Variants in NAALADL2 observed in about 807,000 individuals in gnomAD.
NAALADL2 encodes inactive N-acetylated-alpha-linked acidic dipeptidase-like protein 2.
NAALADL2 carries 76 observed loss-of-function variants against 87.2 expected under a neutral mutation model. The observed-to-expected ratio is 0.87, with a 90% CI of 0.72 to 1.05. The LOEUF (loss-of-function observed/expected upper bound fraction) is 1.05. NAALADL2 is among the 50% of genes least tolerant of loss of function. The pLI is 0.00. For synonymous variants in NAALADL2, 354 were observed against 331.0 expected (o/e 1.07, Z -0.75); for missense variants, 1,089 against 945.8 (o/e 1.15, Z -1.99).
At chr3:174,863,359 T>C (rs184115579) in intron 1 of NAALADL2, among the ~76,000 whole-genome samples, 60 of 152,200 alleles carry the variant, frequency 3.9e-4, no homozygotes, top group African/African-American at 1.4e-3. Flanking sequence ...CTTGAAAGCA[T>C]TGTCGAGTAT....
intron 1 of NAALADL2, among the ~76,000 whole-genome samples, chr3:174,882,640 T>C (rs111215415): frequency 2.7e-5 from 4 of 147,554 alleles, no homozygotes; most frequent in South Asian, 2.1e-4. Flanking sequence ...CATATACACA[T>C]ATGTGCATAT....
At chr3:175,362,683 T>C (rs1765167720) in intron 5 of NAALADL2, among the ~76,000 whole-genome samples, 1 of 148,460 alleles carries the variant, frequency 6.7e-6, no homozygotes, top group Non-Finnish European at 1.5e-5. Flanking sequence ...CTTCTTTTCC[T>C]ATGGGTAGAT....
intron 11 of NAALADL2, among the ~76,000 whole-genome samples, chr3:175,734,543 C>T (rs540310959): frequency 2.6e-5 from 4 of 151,850 alleles, no homozygotes; most frequent in Admixed American, 6.6e-5. Context: ...GGCAACAGAG[C>T]GAGACTCCGT....
chr3:174,618,624 G>A (rs950206549), intron 2 of NAALADL2, among the ~76,000 whole-genome samples: 1 of 151,792 alleles, frequency 6.6e-6, no homozygotes, highest in Non-Finnish European at 1.5e-5. Context: ...ACAGGCTGAG[G>A]AAGAGTGAAA....
intron 5 of NAALADL2, among the ~76,000 whole-genome samples, chr3:175,409,687 T>C (rs73033636): frequency 0.021 from 3,228 of 152,048 alleles, 107 homozygotes; most frequent in African/African-American, 0.073. Context: ...ATTTAGGTAG[T>C]TCAACATTTT....
chr3:174,755,610 A>C (rs2109053447), intron 3 of NAALADL2, among the ~76,000 whole-genome samples: 1 of 152,330 alleles, frequency 6.6e-6, no homozygotes, highest in African/African-American at 2.4e-5. Flanking sequence ...AGAACTTCAT[A>C]GAGCAAGCCA....
At chr3:174,507,293 C>T (rs1272209940) in intron 1 of NAALADL2, among the ~76,000 whole-genome samples, 2 of 152,122 alleles carry the variant, frequency 1.3e-5, no homozygotes, top group Non-Finnish European at 2.9e-5. Context: ...AAGCTATGCT[C>T]TGAGGAAGTT....
chr3:175,066,718 C>T (rs765238436), intron 1 of NAALADL2, among the ~76,000 whole-genome samples: 2 of 152,082 alleles, frequency 1.3e-5, no homozygotes, highest in Non-Finnish European at 2.9e-5. Context: ...GAAGTGTATC[C>T]ACTCTAGATT....
At chr3:175,368,562 G>GGTGT (rs201958182) in intron 5 of NAALADL2, among the ~76,000 whole-genome samples, 29,436 of 146,956 alleles carry the variant, frequency 0.2, 3,179 homozygotes, top group East Asian at 0.4. Flanking sequence ...GACTGTAGCA[G>GGTGT]GTGTGTGTGA....
intron 2 of NAALADL2, among the ~76,000 whole-genome samples, chr3:174,669,989 C>A (rs531410409): frequency 1.3e-5 from 2 of 151,896 alleles, no homozygotes; most frequent in South Asian, 2.1e-4. Context: ...GTATTTTATT[C>A]TTTTTGACTG....
At chr3:175,737,188 ATTCCTGTGTG>A (rs1345296240) in intron 11 of NAALADL2, 108 bp from the exon 12 acceptor site, 6 of 626,820 alleles carry the variant, frequency 9.6e-6, no homozygotes, top group Non-Finnish European at 1.4e-5. Context: ...AAACTATATT[ATTCCTGTGTG>A]TTTTTGCTGC....
chr3:175,285,614 G>T (rs1754884162), intron 4 of NAALADL2, among the ~76,000 whole-genome samples: 1 of 152,108 alleles, frequency 6.6e-6, no homozygotes, highest in African/African-American at 2.4e-5. Flanking sequence ...TTAGCTACTT[G>T]TGCTTTGTCC....
chr3:175,259,982 T>A (rs1560248844), intron 4 of NAALADL2, among the ~76,000 whole-genome samples: 1 of 151,926 alleles, frequency 6.6e-6, no homozygotes, highest in Non-Finnish European at 1.5e-5. Context: ...GAGCCAGGAT[T>A]TCACCACTGC....
chr3:174,591,974 C>G (rs992474857), intron 2 of NAALADL2, among the ~76,000 whole-genome samples: 14 of 152,012 alleles, frequency 9.2e-5, no homozygotes, highest in Non-Finnish European at 1.6e-4. Context: ...ATTTTCTTGG[C>G]AGAAATGACT....
intron 3 of NAALADL2, among the ~76,000 whole-genome samples, chr3:174,769,357 T>G (rs1185549883): frequency 7.2e-5 from 11 of 152,070 alleles, no homozygotes; most frequent in African/African-American, 2.7e-4. Context: ...CTTAGTCATG[T>G]TTTAGCATAT....
chr3:175,253,593 A>G (rs1021728608), intron 3 of NAALADL2, among the ~76,000 whole-genome samples: 23 of 152,298 alleles, frequency 1.5e-4, no homozygotes, highest in African/African-American at 5.3e-4. Context: ...TTTAAGAAAT[A>G]TATTTGTAAG....
At chr3:174,610,811 C>G (rs1328400174) in intron 2 of NAALADL2, among the ~76,000 whole-genome samples, 1 of 152,180 alleles carries the variant, frequency 6.6e-6, no homozygotes, top group Non-Finnish European at 1.5e-5. Context: ...CATCCCATTA[C>G]TGGGTATATA....
chr3:175,225,060 C>T (rs1743960295), intron 2 of NAALADL2, among the ~76,000 whole-genome samples: 3 of 152,104 alleles, frequency 2.0e-5, no homozygotes. Flanking sequence ...GTAGTCTGGG[C>T]TAACAACTGA....
chr3:174,951,736 CA>C (rs1740391976), intron 1 of NAALADL2, among the ~76,000 whole-genome samples: 1 of 152,018 alleles, frequency 6.6e-6, no homozygotes, highest in Admixed American at 6.6e-5. Context: ...ATATGTCTAG[CA>C]AAATACTTCA....
Sources: gnomAD v4.1 joint callset for allele counts (sites outside exome capture counted in the v4.1 genomes callset) on GRCh38, gnomAD v4.1.1 for gene constraint, MANE v1.5 for transcripts, NCBI Gene and HGNC (gene_info 2026-07-23, HGNC 2026-07-21) for gene names.